TNN: variants seen among roughly 807,000 people sequenced by gnomAD.
The protein encoded by TNN is tenascin-N.
In TNN, 122 loss-of-function variants were observed where a neutral mutation model predicts 134.4. The ratio of observed to expected loss-of-function variants is 0.91; its 90% CI spans 0.78 to 1.06. TNN has a LOEUF of 1.06. TNN is among the 50% of genes least tolerant of loss of function. TNN has a pLI of 0.00. For synonymous variants in TNN, 710 were observed against 670.3 expected (o/e 1.06, Z -0.91); for missense variants, 1,739 against 1,699.4 (o/e 1.02, Z -0.41).
chr1:175,126,630 C>G (rs1176042084), intron 12 of TNN, among the ~76,000 whole-genome samples: 1 of 152,114 alleles, frequency 6.6e-6, no homozygotes, highest in Non-Finnish European at 1.5e-5. Context: ...TTTTGGGAGC[C>G]CTGCCATCTC....
intron 6 of TNN, among the ~76,000 whole-genome samples, chr1:175,086,945 C>T (rs758409974): frequency 1.3e-5 from 2 of 152,112 alleles, no homozygotes; most frequent in Non-Finnish European, 2.9e-5. Flanking sequence ...ATTTAGTTCT[C>T]ACAGCAATCC....
chr1:175,069,042 C>T (rs897630869), intron 1 of TNN, among the ~76,000 whole-genome samples: 1 of 152,142 alleles, frequency 6.6e-6, no homozygotes, highest in Non-Finnish European at 1.5e-5. Flanking sequence ...TGAGAACAGG[C>T]AGGGCTTCAC....
chr1:175,110,305 C>A (rs926043532), intron 9 of TNN, among the ~76,000 whole-genome samples: 16 of 152,180 alleles, frequency 1.1e-4, no homozygotes, highest in Non-Finnish European at 4.4e-5. Context: ...AATAGTTTCT[C>A]CCATTATGTA....
At chr1:175,099,411 A>G (rs996894478) in intron 9 of TNN, among the ~76,000 whole-genome samples, 2 of 150,822 alleles carry the variant, frequency 1.3e-5, no homozygotes, top group Non-Finnish European at 3.0e-5. Context: ...GGTCAGGAGG[A>G]GAAGAGGTAA....
In TNN at chr1:175,147,390, G is replaced by T; in HGVS notation, c.*319G>T. 1 of 233,966 alleles carries T rather than the reference G, an allele frequency of 4.3e-6. No homozygotes were observed. The allele number at this position is 233,966 out of a possible 1,614,324, so 14.5% of individuals were successfully genotyped here. A position where few individuals can be genotyped will look rare whatever the true frequency, so the allele number is the denominator to read the frequency against. On this transcript the variant is annotated 3_prime_UTR_variant, in exon 19 of 19. Coordinates refer to ENST00000239462, the MANE Select transcript of TNN (RefSeq NM_022093.2). ...GGAATCACCCAGCACTTCACCAGTT[G>T]GAAATCTCTGGAAATTTACATCTAT...
chr1:175,094,911 G>C lies in TNN; in HGVS notation c.1588+658G>C, dbSNP rs544431251. The stretch of plus-strand genomic sequence containing the variant: ...ACCTGGCAGGAAATCAGAGGGAAAG[G>C]CTTCGCTTATTGTTTGCATTCTATT... On this transcript the variant is annotated intron_variant, in intron 7 of 18. Coordinates refer to ENST00000239462, the MANE Select transcript of TNN (RefSeq NM_022093.2). 1.4e-4 allele frequency among the ~76,000 whole-genome samples: 21 copies of C among 152,318 alleles called. No homozygotes were observed. The South Asian group carries it at 4.4e-3, about 32-fold the overall frequency.
At chr1:175,082,678 G>A (rs376442888) in intron 4 of TNN, among the ~76,000 whole-genome samples, 1 of 152,158 alleles carries the variant, frequency 6.6e-6, no homozygotes, top group African/African-American at 2.4e-5. Flanking sequence ...AGATCACTGA[G>A]TTCACACCTG....
At chr1:175,126,772 G>C (rs969362216) in intron 12 of TNN, among the ~76,000 whole-genome samples, 183 bp from the exon 13 acceptor site, 1 of 152,180 alleles carries the variant, frequency 6.6e-6, no homozygotes, top group Non-Finnish European at 1.5e-5. Flanking sequence ...TAATGGGTCT[G>C]TACTTGTAGA....
intron 9 of TNN, among the ~76,000 whole-genome samples, chr1:175,108,897 G>A (rs1674938806): frequency 1.3e-5 from 2 of 151,486 alleles, no homozygotes; most frequent in African/African-American, 4.9e-5. Context: ...AGCCCAGAAA[G>A]GGGCTCCCAC....
chr1:175,083,665 T>G, intron 4 of TNN, 85 bp from the exon 5 acceptor site: 7 of 1,307,854 alleles, frequency 5.4e-6, no homozygotes, highest in Non-Finnish European at 6.3e-6. Context: ...GAAAGGGAGC[T>G]GACCTGATAA....
At chr1:175,104,275 A>T (rs545183829) in intron 9 of TNN, among the ~76,000 whole-genome samples, 1 of 145,156 alleles carries the variant, frequency 6.9e-6, no homozygotes, top group Non-Finnish European at 1.5e-5. Context: ...GGCCCTCAAT[A>T]GTTAAACATA....
At chr1:175,091,324 T>A (rs1277345087) in intron 6 of TNN, among the ~76,000 whole-genome samples, 3 of 152,194 alleles carry the variant, frequency 2.0e-5, no homozygotes, top group Non-Finnish European at 2.9e-5. Context: ...AAGTCACATC[T>A]CCTCTCTTAA....
chr1:175,090,446 TG>T (rs199685781), intron 6 of TNN, among the ~76,000 whole-genome samples: 1 of 103,158 alleles, frequency 9.7e-6, no homozygotes, highest in Non-Finnish European at 2.0e-5. Context: ...ACACAGGTCC[TG>T]CCCCCCGTGT....
rs1674139058 is a variant in TNN at position 175,079,487 on chromosome 1, C to T, written c.564C>T (p.Cys188=). Residue 188 remains cysteine, a synonymous_variant, in exon 3 of 19, where the codon TGC becomes TGT. Transcript: ENST00000239462. ...HGRCVDGRCL[C]HEPYVGADCG... ...GTTGCGTGGACGGGCGCTGCCTGTG[C>T]CATGAGCCCTACGTGGGTGCCGACT... 7.0e-6 allele frequency: 11 copies of T among 1,562,980 alleles called. No homozygotes were observed. The highest frequency in any genetic ancestry group is 1.7e-4 in the Middle Eastern group (1 of 6,000).
chr1:175,145,787 C>G (rs943573121), intron 18 of TNN, among the ~76,000 whole-genome samples: 1 of 152,066 alleles, frequency 6.6e-6, no homozygotes, highest in Non-Finnish European at 1.5e-5. Context: ...CTCAAGCCTC[C>G]TCTGCCCCAG....
At chr1:175,082,640 C>T (rs144111532) in intron 4 of TNN, among the ~76,000 whole-genome samples, 62 of 152,260 alleles carry the variant, frequency 4.1e-4, no homozygotes, top group African/African-American at 1.4e-3. Context: ...CTGATTGAAT[C>T]GGGGACGTTC....
intron 9 of TNN, among the ~76,000 whole-genome samples, chr1:175,115,159 G>C (rs1209232901): frequency 6.6e-6 from 1 of 152,108 alleles, no homozygotes; most frequent in Non-Finnish European, 1.5e-5. Context: ...TACTATGTCA[G>C]CACAGCCCTA....
rs192696896 is a variant in TNN, at chr1:175,102,289, G to A, written c.2119+3694G>A. Among the ~76,000 whole-genome samples, 122 of 146,434 alleles carry A rather than the reference G, an allele frequency of 8.3e-4. 10 individuals are homozygous for A. Among genetic ancestry groups the A allele is most frequent in the Middle Eastern group, 3.5e-3 (1 of 286 alleles). ...AGGTGGAGCTGTCTGCCAGTCCCGCGCCATGAACTTGTACTCCTCAGCCCT... is the reference window on the plus strand; with the variant it reads ...AGGTGGAGCTGTCTGCCAGTCCCGCACCATGAACTTGTACTCCTCAGCCCT... On this transcript the variant is annotated intron_variant, in intron 9 of 18. Transcript: ENST00000239462.
At chr1:175,122,077 G>A (rs1034858377) in intron 11 of TNN, among the ~76,000 whole-genome samples, 11 of 152,130 alleles carry the variant, frequency 7.2e-5, no homozygotes, top group Admixed American at 7.2e-4. Flanking sequence ...CACCTAGGTG[G>A]AAAAGTACAG....
Sources: gnomAD v4.1 joint callset for allele counts (sites outside exome capture counted in the v4.1 genomes callset) on GRCh38, gnomAD v4.1.1 for gene constraint, MANE v1.5 for transcripts, NCBI Gene and HGNC (gene_info 2026-07-23, HGNC 2026-07-21) for gene names.